The following CDC42SE2 variants were observed in gnomAD, a reference collection of about 807,000 sequenced individuals.
CDC42SE2 encodes CDC42 small effector 2.
CDC42SE2 carries 3 observed loss-of-function variants against 11.5 expected under a neutral mutation model. The observed-to-expected ratio is 0.26, with a 90% CI of 0.12 to 0.67. CDC42SE2 has a LOEUF of 0.67. Ranked by LOEUF, CDC42SE2 falls within the 30% of genes least tolerant of loss-of-function variation. The pLI is 0.80. For synonymous variants in CDC42SE2, 33 were observed against 34.8 expected, an observed-to-expected ratio of 0.95 and a Z score of 0.18; for missense variants, 82 against 106.8, an observed-to-expected ratio of 0.77 and a Z score of 1.02.
chr5:131,336,970 C>T lies in CDC42SE2; in HGVS notation c.-286+20826C>T, dbSNP rs535252800. 5.1e-4 allele frequency among the ~76,000 whole-genome samples: 78 copies of T among 152,332 alleles called. No homozygotes were observed. In the South Asian group the frequency reaches 6.4e-3, roughly 13 times the overall value. Reference sequence around the variant, plus strand: ...CTTCTGAAGCCTTCCTCTGTCAGCTCGTCAGTCATTCTCTGTCCAGCTTTG... The same window carrying T: ...CTTCTGAAGCCTTCCTCTGTCAGCTTGTCAGTCATTCTCTGTCCAGCTTTG... On this transcript the variant is annotated intron_variant, in intron 2 of 4. Coordinates refer to ENST00000505065, the MANE Select transcript of CDC42SE2 (RefSeq NM_001375635.1).
chr5:131,269,924 G>A (rs947520616), intron 1 of CDC42SE2, among the ~76,000 whole-genome samples: 4 of 152,040 alleles, frequency 2.6e-5, no homozygotes, highest in Admixed American at 2.0e-4. Flanking sequence ...AGCCGGGCGC[G>A]GTGGCTCAGG....
chr5:131,381,697 C>T (rs893625833), intron 3 of CDC42SE2, among the ~76,000 whole-genome samples: 1 of 152,236 alleles, frequency 6.6e-6, no homozygotes, highest in Non-Finnish European at 1.5e-5. Flanking sequence ...GTTGAATCCA[C>T]ATAATCCCTT....
At chr5:131,333,292 A>G (rs1266511797) in intron 2 of CDC42SE2, among the ~76,000 whole-genome samples, 1 of 152,042 alleles carries the variant, frequency 6.6e-6, no homozygotes, top group African/African-American at 2.4e-5. Context: ...GTGCGGCATT[A>G]TTTCTGAGGG....
At chr5:131,360,284 C>T (rs1749671129) in intron 3 of CDC42SE2, among the ~76,000 whole-genome samples, 1 of 152,160 alleles carries the variant, frequency 6.6e-6, no homozygotes, top group Non-Finnish European at 1.5e-5. Context: ...CCACGCCTGG[C>T]TAATTTTGTA....
At chr5:131,308,018 G>T (rs1232539011) in intron 1 of CDC42SE2, among the ~76,000 whole-genome samples, 1 of 152,140 alleles carries the variant, frequency 6.6e-6, no homozygotes, top group Non-Finnish European at 1.5e-5. Context: ...TGTGTAGGTT[G>T]CCTGTTCACT....
chr5:131,332,807 A>T (rs1434246726), intron 2 of CDC42SE2, among the ~76,000 whole-genome samples: 1 of 151,884 alleles, frequency 6.6e-6, no homozygotes, highest in Non-Finnish European at 1.5e-5. Flanking sequence ...CCACTTTTTG[A>T]TGGGGTTGTT....
intron 1 of CDC42SE2, among the ~76,000 whole-genome samples, chr5:131,315,328 T>C (rs1476414848): frequency 6.6e-6 from 1 of 152,220 alleles, no homozygotes; most frequent in Non-Finnish European, 1.5e-5. Flanking sequence ...ATGTTTGTTA[T>C]CCCCTTATGC....
intron 3 of CDC42SE2, among the ~76,000 whole-genome samples, chr5:131,361,012 AT>A (rs566508892): frequency 3.1e-5 from 4 of 130,820 alleles, no homozygotes; most frequent in African/African-American, 1.1e-4. Context: ...ATTTTTCTTT[AT>A]TTTTTTTCTT....
intron 2 of CDC42SE2, among the ~76,000 whole-genome samples, chr5:131,325,036 G>A (rs1413245932): frequency 1.3e-5 from 2 of 152,036 alleles, no homozygotes; most frequent in Non-Finnish European, 2.9e-5. Context: ...CTGTGACAAT[G>A]GCTACATAAT....
chr5:131,237,606 G>C, the CDC42SE2 span, among the ~76,000 whole-genome samples: 1 of 152,010 alleles, frequency 6.6e-6, no homozygotes, highest in Non-Finnish European at 1.5e-5. Flanking sequence ...TTGAGACAGG[G>C]TTTCACACTG....
the CDC42SE2 span, among the ~76,000 whole-genome samples, chr5:131,227,454 G>A: frequency 6.6e-6 from 1 of 152,070 alleles, no homozygotes; most frequent in African/African-American, 2.4e-5. Flanking sequence ...GGCCAACGTG[G>A]TGAAACCCCG....
chr5:131,291,753 C>T (rs1757461429), intron 1 of CDC42SE2, among the ~76,000 whole-genome samples: 1 of 152,056 alleles, frequency 6.6e-6, no homozygotes, highest in African/African-American at 2.4e-5. Flanking sequence ...TACAAATAAC[C>T]CTTCAAAAAT....
At chr5:131,236,374 T>G in the CDC42SE2 span, among the ~76,000 whole-genome samples, 1 of 152,148 alleles carries the variant, frequency 6.6e-6, no homozygotes, top group African/African-American at 2.4e-5. Context: ...TCGATCCACT[T>G]AGGTTTTATT....
At chr5:131,345,069 A>T (rs539294200) in intron 2 of CDC42SE2, among the ~76,000 whole-genome samples, 1 of 152,336 alleles carries the variant, frequency 6.6e-6, no homozygotes, top group East Asian at 1.9e-4. Flanking sequence ...AAAATCTGAA[A>T]ATTCTAAAAA....
chr5:131,229,861 CAT>C, the CDC42SE2 span, among the ~76,000 whole-genome samples: 4 of 152,086 alleles, frequency 2.6e-5, no homozygotes, highest in Non-Finnish European at 5.9e-5. Context: ...TTGAGCCTGG[CAT>C]ATAGAGGTTG....
At chr5:131,229,941 GAAA>G in the CDC42SE2 span, among the ~76,000 whole-genome samples, 1 of 151,976 alleles carries the variant, frequency 6.6e-6, no homozygotes, top group Non-Finnish European at 1.5e-5. Flanking sequence ...CTCAAAAAAA[GAAA>G]AAAGAAAACT....
intron 2 of CDC42SE2, among the ~76,000 whole-genome samples, chr5:131,335,120 C>T (rs538098350): frequency 2.1e-3 from 326 of 152,224 alleles, no homozygotes; most frequent in Non-Finnish European, 2.5e-3. Context: ...ATAAATTTCC[C>T]TCTACACACT....
chr5:131,271,854 C>A (rs868139482), intron 1 of CDC42SE2, among the ~76,000 whole-genome samples: 1 of 152,072 alleles, frequency 6.6e-6, no homozygotes. Context: ...ACCCCCACAC[C>A]CTTTGTGTCC....
At chr5:131,281,781 G>A (rs1192543428) in intron 1 of CDC42SE2, among the ~76,000 whole-genome samples, 1 of 152,132 alleles carries the variant, frequency 6.6e-6, no homozygotes, top group Non-Finnish European at 1.5e-5. Flanking sequence ...GACACACCTC[G>A]ATTTGATCTC....
Sources: gnomAD v4.1 joint callset for allele counts (sites outside exome capture counted in the v4.1 genomes callset) on GRCh38, gnomAD v4.1.1 for gene constraint, MANE v1.5 for transcripts, NCBI Gene and HGNC (gene_info 2026-07-23, HGNC 2026-07-21) for gene names.